The following AXDND1 variants were observed in gnomAD, a reference collection of about 807,000 sequenced individuals.
AXDND1 encodes axonemal dynein light chain domain-containing protein 1.
Under a neutral mutation model 137.5 loss-of-function variants are expected in AXDND1, and 110 were observed. The ratio of observed to expected loss-of-function variants is 0.80; its 90% CI spans 0.69 to 0.94. The LOEUF (loss-of-function observed/expected upper bound fraction) is 0.94, where lower values mean the gene tolerates loss of function less well. Among genes scored for constraint, AXDND1 ranks in the 40% least tolerant of loss-of-function variants. AXDND1 has a pLI of 0.00. For missense variants in AXDND1, 1,191 were observed against 1,169.8 expected (o/e 1.02, Z -0.26); for synonymous variants, 414 against 399.7 (o/e 1.04, Z -0.43).
intron 12 of AXDND1, among the ~76,000 whole-genome samples, chr1:179,417,801 G>A (rs1195764010): frequency 2.0e-5 from 3 of 151,736 alleles, no homozygotes. Flanking sequence ...AATTTCTTTG[G>A]GTAGTATTGC....
rs1648746143 is a variant in AXDND1, at chr1:179,383,632, T to C, written c.741+88T>C. On this transcript the variant is annotated intron_variant, in intron 8 of 25. Coordinates refer to ENST00000367618, the MANE Select transcript of AXDND1 (RefSeq NM_144696.6). ...AGGTTAGAATTCTGACCCTGCCATATATTTACTAATGGCCTTGGACAAGTC... is the reference window on the plus strand; with the variant it reads ...AGGTTAGAATTCTGACCCTGCCATACATTTACTAATGGCCTTGGACAAGTC... 8.7e-6 allele frequency: 8 copies of C among 920,090 alleles called. No homozygotes were observed. In the South Asian group the frequency reaches 1.2e-4, roughly 13 times the overall value. 57.0% of individuals were successfully genotyped at this position (920,090 alleles called of 1,614,324 possible).
chr1:179,432,426 A>C, intron 15 of AXDND1, 84 bp downstream of exon 15: 4 of 1,318,886 alleles, frequency 3.0e-6, no homozygotes, highest in African/African-American at 4.7e-5. Flanking sequence ...GGCACATCCC[A>C]TCCTTTTTTT....
At chr1:179,422,631 G>A (rs1655934778) in intron 12 of AXDND1, among the ~76,000 whole-genome samples, 2 of 152,196 alleles carry the variant, frequency 1.3e-5, no homozygotes, top group African/African-American at 4.8e-5. Flanking sequence ...GAAATGTTCT[G>A]TAAATGTCAG....
intron 25 of AXDND1, chr1:179,552,604 C>G: frequency 1.2e-6 from 2 of 1,612,708 alleles, no homozygotes; most frequent in Non-Finnish European, 1.7e-6. Flanking sequence ...AGTGCTCACC[C>G]GCACTTTGGC....
chr1:179,449,988 A>ATTTT lies in AXDND1; in HGVS notation c.1798+4814_1798+4817dup, dbSNP rs58716807. 2.8e-4 allele frequency: 18 copies of ATTTT among 65,348 alleles called. 1 individual carries two copies. The highest frequency in any genetic ancestry group is 4.4e-4 in the Non-Finnish European group (16 of 36,174). The allele number at this position is 65,348 out of a possible 1,614,324, so 4.0% of individuals were successfully genotyped here. ...TTTTACTAGTTTCTTGCCAATCTGGATTTTTTTTTTTTTTTTTTTTTTTTT... is the reference window on the plus strand; with the variant it reads ...TTTTACTAGTTTCTTGCCAATCTGGATTTTTTTTTTTTTTTTTTTTTTTTTTTTT... On this transcript the variant is annotated intron_variant, in intron 16 of 25. Coordinates refer to ENST00000367618, the MANE Select transcript of AXDND1 (RefSeq NM_144696.6).
intron 12 of AXDND1, among the ~76,000 whole-genome samples, chr1:179,412,124 T>G (rs1353267345): frequency 6.6e-6 from 1 of 152,198 alleles, no homozygotes; most frequent in African/African-American, 2.4e-5. Flanking sequence ...GTGCTGGGAT[T>G]ACATGCATGA....
intron 12 of AXDND1, among the ~76,000 whole-genome samples, chr1:179,421,088 CCTTCCTTT>C (rs1335558065): frequency 1.7e-4 from 15 of 90,732 alleles, no homozygotes; most frequent in African/African-American, 2.2e-4. Context: ...TTCCTTCCTT[CCTTCCTTT>C]CTTCCTTCTT....
At position 179,435,045 on chromosome 1, in the gene AXDND1, A is replaced by G. The variant is rs531516909; in HGVS notation, c.1563+2703A>G. 5.9e-5 allele frequency among the ~76,000 whole-genome samples: 9 copies of G among 152,290 alleles called. No homozygotes were observed. In the East Asian group the frequency reaches 1.5e-3, roughly 26 times the overall value. ...AAATCACAAGCATTTCTATGCACCA[A>G]CAATATACAAGCAGAGAGCCAAATC... is the stretch of plus-strand genomic sequence containing the variant. On this transcript the variant is annotated intron_variant, in intron 15 of 25. Transcript: ENST00000367618.
At position 179,540,764 on chromosome 1, in the gene AXDND1, A is replaced by C. The variant is rs183049514; in HGVS notation, c.3031+5802A>C. The stretch of plus-strand genomic sequence containing the variant: ...CTCTCTTCAGAGCTGTCAGGCATTT[A>C]AGTCTGCTGAAGCTGTGCCCACCAC... On this transcript the variant is annotated intron_variant, in intron 25 of 25. Transcript: ENST00000367618. Among the ~76,000 whole-genome samples the C allele has an allele frequency of 2.4e-4, 36 of 152,276 alleles. No individual in the cohort carries two copies. The East Asian group carries it at 3.7e-3, about 16-fold the overall frequency.
At chr1:179,481,226 A>G (rs938245677) in intron 17 of AXDND1, among the ~76,000 whole-genome samples, 25 of 152,110 alleles carry the variant, frequency 1.6e-4, no homozygotes, top group African/African-American at 5.8e-4. Context: ...GAGTGAGAAC[A>G]TGCGATGTTT....
rs762527101 is a variant in AXDND1 at position 179,370,025 on chromosome 1, G to A, written c.321G>A (p.Arg107=). 1.4e-5 allele frequency: 23 copies of A among 1,613,922 alleles called. No homozygotes were observed. The highest frequency in any genetic ancestry group is 1.5e-5 in the Non-Finnish European group (18 of 1,179,992). The change falls in exon 4 of 26, where the codon AGG becomes AGA. Residue 107 remains arginine, a synonymous_variant. Transcript: ENST00000367618. ...VDHVWHHPVR[R]NKFKYLIDHP... is the part of the protein sequence containing the mutation. ...ATGTCTGGCATCACCCTGTTCGAAG[G>A]AATAAATTCAAATACCTGATTGACC...
intron 20 of AXDND1, among the ~76,000 whole-genome samples, chr1:179,508,239 G>A (rs1371612605): frequency 6.6e-6 from 1 of 151,916 alleles, no homozygotes. Context: ...GGGAGGCTGA[G>A]GTGGGAGGAT....
chr1:179,476,041 A>G (rs1332375818), intron 17 of AXDND1, among the ~76,000 whole-genome samples: 3 of 152,104 alleles, frequency 2.0e-5, no homozygotes, highest in African/African-American at 7.2e-5. Context: ...GTGAAGAGGT[A>G]CTTGCTTTTC....
At chr1:179,528,483 A>G in intron 23 of AXDND1, 52 bp downstream of exon 23, 1 of 1,262,318 alleles carries the variant, frequency 7.9e-7, no homozygotes, top group Non-Finnish European at 1.2e-6. Context: ...ACATTGCATA[A>G]AAATGATATG....
intron 2 of AXDND1, among the ~76,000 whole-genome samples, chr1:179,367,375 C>T (rs1439446872): frequency 2.0e-5 from 3 of 151,704 alleles, no homozygotes; most frequent in Admixed American, 6.6e-5. Context: ...TTAGGGGGGG[C>T]GTGGTGGCTC....
At chr1:179,376,538 T>C (rs142914977) in intron 4 of AXDND1, among the ~76,000 whole-genome samples, 65 of 152,334 alleles carry the variant, frequency 4.3e-4, no homozygotes, top group Non-Finnish European at 7.4e-4. Context: ...TCAGGACCTA[T>C]GCATATGCTG....
At chr1:179,434,873 A>G (rs558414682) in intron 15 of AXDND1, among the ~76,000 whole-genome samples, 71 of 152,296 alleles carry the variant, frequency 4.7e-4, no homozygotes, top group African/African-American at 1.6e-3. Context: ...AATAGAGAGT[A>G]TTCACATAGG....
chr1:179,434,964 T>G (rs962560266), intron 15 of AXDND1, among the ~76,000 whole-genome samples: 15 of 152,122 alleles, frequency 9.9e-5, no homozygotes, highest in African/African-American at 3.4e-4. Context: ...GCCCCAAAAC[T>G]CCTTAAGCTG....
chr1:179,537,327 G>A (rs902381880), intron 25 of AXDND1, among the ~76,000 whole-genome samples: 2 of 152,140 alleles, frequency 1.3e-5, no homozygotes, highest in South Asian at 2.1e-4. Flanking sequence ...TATGATATTG[G>A]CTGTGGGTTT....
Sources: gnomAD v4.1 joint callset for allele counts (sites outside exome capture counted in the v4.1 genomes callset) on GRCh38, gnomAD v4.1.1 for gene constraint, MANE v1.5 for transcripts, NCBI Gene and HGNC (gene_info 2026-07-23, HGNC 2026-07-21) for gene names.